DLG2: variants seen among roughly 807,000 people sequenced by gnomAD.
The protein encoded by DLG2 is disks large homolog 2.
In DLG2, 45 loss-of-function variants were observed where a neutral mutation model predicts 132.5. The observed-to-expected ratio is 0.34, with a 90% CI of 0.27 to 0.44. The LOEUF (loss-of-function observed/expected upper bound fraction) is 0.44, where lower values mean the gene tolerates loss of function less well. Ranked by LOEUF, DLG2 falls within the 20% of genes least tolerant of loss-of-function variation. The pLI is 1.00. For missense variants in DLG2, 1,045 were observed against 1,196.9 expected, an observed-to-expected ratio of 0.87 and a Z score of 1.87; for synonymous variants, 424 against 419.6, an observed-to-expected ratio of 1.01 and a Z score of -0.13.
At chr11:84,136,236 T>C (rs575978033) in intron 9 of DLG2, among the ~76,000 whole-genome samples, 1 of 152,250 alleles carries the variant, frequency 6.6e-6, no homozygotes, top group South Asian at 2.1e-4. Flanking sequence ...ATCTACCACA[T>C]AGGTTCACAG....
intron 6 of DLG2, among the ~76,000 whole-genome samples, chr11:84,727,291 C>G (rs568627291): frequency 6.6e-6 from 1 of 152,116 alleles, no homozygotes; most frequent in Non-Finnish European, 1.5e-5. Flanking sequence ...AGGAACGGGT[C>G]CAGTGTCAGT....
intron 18 of DLG2, among the ~76,000 whole-genome samples, chr11:83,736,813 T>G (rs1227853509): frequency 6.6e-6 from 1 of 152,170 alleles, no homozygotes; most frequent in Non-Finnish European, 1.5e-5. Flanking sequence ...GACAATAATT[T>G]AAGGGTGAAT....
chr11:84,670,708 T>C (rs570309982), intron 6 of DLG2, among the ~76,000 whole-genome samples: 1 of 152,290 alleles, frequency 6.6e-6, no homozygotes, highest in South Asian at 2.1e-4. Context: ...GAGTTTAATG[T>C]CACACAATGA....
chr11:84,830,721 G>A (rs963467523), intron 6 of DLG2, among the ~76,000 whole-genome samples: 2 of 151,446 alleles, frequency 1.3e-5, no homozygotes, highest in African/African-American at 4.8e-5. Context: ...TTGGTAATAA[G>A]CAAGCAAGGT....
At chr11:84,466,693 T>A (rs887914322) in intron 7 of DLG2, among the ~76,000 whole-genome samples, 1 of 151,356 alleles carries the variant, frequency 6.6e-6, no homozygotes, top group Non-Finnish European at 1.5e-5. Context: ...AGTATTAGAA[T>A]ACCTATGAGA....
rs76324056 is a variant in DLG2, at chr11:83,843,300, A to G, written c.1566-9530T>C. On this transcript the variant is annotated intron_variant, in intron 16 of 27. Coordinates refer to ENST00000376104, the MANE Select transcript of DLG2 (RefSeq NM_001142699.3). ...ATGCCTGCCTTTTCCTGCTATTCTCATCTATCTAACGAGGTCCTACTTGGC... is the reference window on the plus strand; with the variant it reads ...ATGCCTGCCTTTTCCTGCTATTCTCGTCTATCTAACGAGGTCCTACTTGGC... Among the ~76,000 whole-genome samples the G allele has an allele frequency of 6.1e-3, 933 of 152,100 alleles. 9 individuals are homozygous for G. Among genetic ancestry groups the G allele is most frequent in the African/African-American group, 0.022 (905 of 41,486 alleles).
chr11:85,175,476 G>T (rs1428341422), intron 4 of DLG2, among the ~76,000 whole-genome samples: 2 of 151,980 alleles, frequency 1.3e-5, no homozygotes, highest in African/African-American at 4.8e-5. Context: ...CAACATAAGA[G>T]CAATACATGA....
At chr11:84,246,787 C>T (rs2097307912) in intron 8 of DLG2, among the ~76,000 whole-genome samples, 2 of 152,222 alleles carry the variant, frequency 1.3e-5, no homozygotes, top group South Asian at 2.1e-4. Flanking sequence ...ATGTGTCATC[C>T]ATGGATAAGG....
At chr11:85,205,173 T>C (rs1001429717) in intron 4 of DLG2, among the ~76,000 whole-genome samples, 1 of 148,196 alleles carries the variant, frequency 6.7e-6, no homozygotes, top group Non-Finnish European at 1.5e-5. Flanking sequence ...TAGATATATA[T>C]ATATATAACA....
chr11:83,717,472 T>C (rs2086995307), intron 18 of DLG2, among the ~76,000 whole-genome samples: 1 of 152,214 alleles, frequency 6.6e-6, no homozygotes, highest in Admixed American at 6.5e-5. Flanking sequence ...GAAGGTTTTG[T>C]AGGGGCTTAG....
intron 13 of DLG2, among the ~76,000 whole-genome samples, chr11:83,963,949 T>C (rs1055587542): frequency 9.2e-5 from 14 of 151,980 alleles, no homozygotes; most frequent in African/African-American, 2.9e-4. Context: ...TTCTTTGAGT[T>C]CCCAAATAAC....
intron 6 of DLG2, among the ~76,000 whole-genome samples, chr11:84,600,984 G>A (rs533547955): frequency 6.6e-6 from 1 of 152,256 alleles, no homozygotes; most frequent in East Asian, 1.9e-4. Context: ...GCTTACAGTA[G>A]AGAATAATTA....
chr11:84,072,858 A>C (rs1180220316), intron 10 of DLG2, among the ~76,000 whole-genome samples: 2 of 152,194 alleles, frequency 1.3e-5, no homozygotes, highest in Non-Finnish European at 2.9e-5. Context: ...CCCTGATAAA[A>C]GATATAATAG....
At chr11:85,047,703 C>A (rs2062479511) in intron 6 of DLG2, among the ~76,000 whole-genome samples, 2 of 151,526 alleles carry the variant, frequency 1.3e-5, no homozygotes, top group African/African-American at 4.8e-5. Context: ...TAAAATTATA[C>A]AGAAATTATT....
rs1308670234 is a variant in DLG2 at position 84,310,613 on chromosome 11, C to A, written c.520-59322G>T. On this transcript the variant is annotated intron_variant, in intron 7 of 27. Coordinates refer to ENST00000376104, the MANE Select transcript of DLG2 (RefSeq NM_001142699.3). ...TTCACATCTGCCACAGGAATACTTA[C>A]AATTTTAATTCCTTCTGTGTTATCA... Among the ~76,000 whole-genome samples, 13 of 152,330 alleles carry A rather than the reference C, an allele frequency of 8.5e-5. No homozygotes were observed. In the East Asian group the frequency reaches 1.4e-3, roughly 16 times the overall value.
chr11:83,497,143 G>A (rs1312779272), intron 21 of DLG2, among the ~76,000 whole-genome samples: 2 of 152,156 alleles, frequency 1.3e-5, no homozygotes, highest in Admixed American at 6.6e-5. Context: ...GTTGAGCAAT[G>A]ATTTCTACTA....
At chr11:85,465,775 T>A (rs992992923) in intron 3 of DLG2, among the ~76,000 whole-genome samples, 20 of 152,212 alleles carry the variant, frequency 1.3e-4, no homozygotes, top group Non-Finnish European at 2.2e-4. Context: ...TATGTGTGCA[T>A]GTGTCTTTAT....
intron 11 of DLG2, among the ~76,000 whole-genome samples, chr11:83,981,722 C>T (rs1412813099): frequency 6.6e-6 from 1 of 152,184 alleles, no homozygotes; most frequent in Non-Finnish European, 1.5e-5. Context: ...CAGGCATGAG[C>T]CACCACGTCC....
rs141249573 is a variant in DLG2 at position 84,164,373 on chromosome 11, G to C, written c.574-862C>G. Among the ~76,000 whole-genome samples, 159 of 152,268 alleles carry C rather than the reference G, an allele frequency of 1.0e-3. 1 individual carries two copies. Among genetic ancestry groups the C allele is most frequent in the African/African-American group, 3.4e-3 (142 of 41,554 alleles). The stretch of plus-strand genomic sequence containing the variant: ...CTCAAATCGGTTGTTTCTTATTTCT[G>C]ATACGTGTCTTGGCAACATCATTGG... On this transcript the variant is annotated intron_variant, in intron 8 of 27. Coordinates refer to ENST00000376104, the MANE Select transcript of DLG2 (RefSeq NM_001142699.3).
Sources: gnomAD v4.1 joint callset for allele counts (sites outside exome capture counted in the v4.1 genomes callset) on GRCh38, gnomAD v4.1.1 for gene constraint, MANE v1.5 for transcripts, NCBI Gene and HGNC (gene_info 2026-07-23, HGNC 2026-07-21) for gene names.